The following WDPCP variants were observed in gnomAD, a reference collection of about 807,000 sequenced individuals.
WDPCP encodes the protein WD repeat containing planar cell polarity effector.
Under a neutral mutation model 93.1 loss-of-function variants are expected in WDPCP, and 71 were observed. That is an observed-to-expected ratio of 0.76 (90% CI 0.63 to 0.93). WDPCP has a LOEUF of 0.93. WDPCP is among the 40% of genes least tolerant of loss of function. WDPCP has a pLI of 0.00. For synonymous variants in WDPCP, 315 were observed against 315.0 expected, an observed-to-expected ratio of 1.00 and a Z score of 0.00; for missense variants, 844 against 887.4, an observed-to-expected ratio of 0.95 and a Z score of 0.62.
rs554982987 is a variant in WDPCP at position 63,675,302 on chromosome 2, A to G, written n.309-24464T>C. ...AACTCACTTAACTCTAGGCTTCCCT[A>G]TGAGTTCTGCAGTCTCCTTGGCTGG... On this transcript the variant is annotated intron_variant and non_coding_transcript_variant, in intron 2 of 4. Transcript: ENST00000467687. 7.2e-4 allele frequency among the ~76,000 whole-genome samples: 110 copies of G among 152,234 alleles called. 1 individual carries two copies. Among genetic ancestry groups the G allele is most frequent in the Middle Eastern group, 6.8e-3 (2 of 294 alleles).
rs982793817 is a variant in WDPCP, at chr2:63,605,208, C to G, written n.488+45451G>C. 9.0e-6 allele frequency: 9 copies of G among 996,500 alleles called. No individual in the cohort carries two copies. In the East Asian group the frequency reaches 2.3e-4, roughly 25 times the overall value. The allele number at this position is 996,500 out of a possible 1,614,324, so 61.7% of individuals were successfully genotyped here. A position where few individuals can be genotyped will look rare whatever the true frequency, so the allele number is the denominator to read the frequency against. Reference sequence around the variant, plus strand: ...TGGTCATAGCTTTTCACCCCAAGGTCGACTTGGAATTAATGAAAACTTTGC... The same window carrying G: ...TGGTCATAGCTTTTCACCCCAAGGTGGACTTGGAATTAATGAAAACTTTGC... On this transcript the variant is annotated intron_variant and non_coding_transcript_variant, in intron 3 of 4. Coordinates refer to the WDPCP transcript ENST00000467687.
rs765502945 is a variant in WDPCP, at chr2:63,174,807, C to T, written c.1941G>A (p.Gly647=). 1.2e-6 allele frequency: 2 copies of T among 1,613,638 alleles called. No individual in the cohort carries two copies. Among genetic ancestry groups the T allele is most frequent in the Admixed American group, 3.3e-5 (2 of 59,966 alleles). ...GVELLGPLDR[G]DMLNEAFIGL... Reference sequence around the variant, plus strand: ...CAATAAATGCTTCATTTAGCATATCCCCTCTGTCCAAGGGTCCCAGGAGTT... The same window carrying T: ...CAATAAATGCTTCATTTAGCATATCTCCTCTGTCCAAGGGTCCCAGGAGTT... Residue 647 remains glycine (G), a synonymous_variant, in exon 15 of 18, where the codon GGG becomes GGA. Coordinates refer to ENST00000272321, the MANE Select transcript of WDPCP (RefSeq NM_015910.7).
At chr2:63,525,218 G>C (rs1356877223) in intron 1 of WDPCP, among the ~76,000 whole-genome samples, 1 of 152,102 alleles carries the variant, frequency 6.6e-6, no homozygotes, top group Non-Finnish European at 1.5e-5. Context: ...ACACAAAGAA[G>C]GGAACAACAG....
rs1028604146 is a variant in WDPCP, at chr2:63,610,568, T to TA, written n.488+40090dup. Among the ~76,000 whole-genome samples the TA allele has an allele frequency of 2.0e-3, 295 of 144,428 alleles. No homozygotes were observed. In the Middle Eastern group the frequency reaches 0.021, roughly 10 times the overall value. 94.8% of individuals were successfully genotyped at this position (144,428 alleles called of 152,430 possible). A position where few individuals can be genotyped will look rare whatever the true frequency, so the allele number is the denominator to read the frequency against. On this transcript the variant is annotated intron_variant and non_coding_transcript_variant, in intron 3 of 4. Transcript: ENST00000467687. Reference sequence around the variant, plus strand: ...AAATACACATATTTATTTTGAGAATTAAAAAAAAAAAAGGAATACATAGTG... The same window carrying TA: ...AAATACACATATTTATTTTGAGAATTAAAAAAAAAAAAAGGAATACATAGTG...
chr2:63,525,940 T>C (rs1703307373), intron 1 of WDPCP, among the ~76,000 whole-genome samples: 1 of 152,238 alleles, frequency 6.6e-6, no homozygotes, highest in South Asian at 2.1e-4. Flanking sequence ...GGTTATGCTT[T>C]CCTCAGGTTG....
chr2:63,222,678 T>C (rs1677942186), intron 14 of WDPCP, among the ~76,000 whole-genome samples: 1 of 152,218 alleles, frequency 6.6e-6, no homozygotes, highest in African/African-American at 2.4e-5. Context: ...GCACTACACA[T>C]AGCTGTATCA....
chr2:63,246,385 T>C (rs947733126), intron 14 of WDPCP, among the ~76,000 whole-genome samples: 1 of 152,210 alleles, frequency 6.6e-6, no homozygotes, highest in African/African-American at 2.4e-5. Flanking sequence ...TGATAACTTC[T>C]GCTCATCTTC....
chr2:63,128,251 CA>C (rs1415719141), intron 17 of WDPCP, among the ~76,000 whole-genome samples: 1 of 152,114 alleles, frequency 6.6e-6, no homozygotes, highest in Non-Finnish European at 1.5e-5. Context: ...TGACTATGAG[CA>C]AAGTCAGTGG....
At chr2:63,126,036 G>A (rs1005733631) in intron 17 of WDPCP, among the ~76,000 whole-genome samples, 4 of 151,748 alleles carry the variant, frequency 2.6e-5, no homozygotes, top group Non-Finnish European at 5.9e-5. Flanking sequence ...CGAGGCTCAG[G>A]TGATTTTCCC....
intron 2 of WDPCP, among the ~76,000 whole-genome samples, chr2:63,651,323 A>G (rs1262073566): frequency 6.6e-6 from 1 of 152,234 alleles, no homozygotes; most frequent in Non-Finnish European, 1.5e-5. Context: ...AAATTATAAA[A>G]ATAAAGGTAG....
At chr2:63,689,869 T>C (rs1402305949) in intron 2 of WDPCP, among the ~76,000 whole-genome samples, 2 of 152,202 alleles carry the variant, frequency 1.3e-5, no homozygotes, top group Non-Finnish European at 2.9e-5. Context: ...AGGGGTCAAC[T>C]TGACGTTATT....
intron 2 of WDPCP, among the ~76,000 whole-genome samples, chr2:63,490,307 G>C (rs975235700): frequency 4.6e-5 from 7 of 152,048 alleles, no homozygotes; most frequent in African/African-American, 1.7e-4. Flanking sequence ...AGTAATGCAG[G>C]ACAAAATCCT....
intron 2 of WDPCP, among the ~76,000 whole-genome samples, chr2:63,489,533 G>T (rs1007766036): frequency 1.3e-5 from 2 of 152,042 alleles, no homozygotes; most frequent in African/African-American, 4.8e-5. Flanking sequence ...CTCCTTAGAA[G>T]AGTGACTGAT....
At chr2:63,513,372 G>A (rs1372627763) in intron 1 of WDPCP, among the ~76,000 whole-genome samples, 1 of 152,092 alleles carries the variant, frequency 6.6e-6, no homozygotes, top group African/African-American at 2.4e-5. Context: ...AGTATGTTGG[G>A]GAGAGGATGA....
intron 17 of WDPCP, among the ~76,000 whole-genome samples, chr2:63,140,891 A>T (rs1489678153): frequency 6.6e-6 from 1 of 152,134 alleles, no homozygotes. Context: ...GTCTTGTTCC[A>T]GTTCCCAGAG....
chr2:63,388,860 A>G (rs1375683090), intron 10 of WDPCP, among the ~76,000 whole-genome samples: 1 of 152,204 alleles, frequency 6.6e-6, no homozygotes, highest in Non-Finnish European at 1.5e-5. Flanking sequence ...AAAAGAGTAA[A>G]AAGAAACGAA....
intron 1 of WDPCP, among the ~76,000 whole-genome samples, chr2:63,511,317 C>T (rs970637445): frequency 2.0e-5 from 3 of 152,176 alleles, no homozygotes; most frequent in African/African-American, 7.2e-5. Flanking sequence ...AATGGCCATA[C>T]TTCCCAAAGT....
chr2:63,479,414 G>A (rs1700143961), intron 6 of WDPCP, among the ~76,000 whole-genome samples: 1 of 152,068 alleles, frequency 6.6e-6, no homozygotes, highest in African/African-American at 2.4e-5. Flanking sequence ...TATTCCTGAT[G>A]AATATAGATG....
chr2:63,342,380 A>G (rs1048661844), intron 12 of WDPCP, among the ~76,000 whole-genome samples: 11 of 152,222 alleles, frequency 7.2e-5, no homozygotes, highest in African/African-American at 2.2e-4. Flanking sequence ...ATTTAAATTG[A>G]TTACTGATAA....
Sources: allele counts gnomAD v4.1 joint callset (sites outside exome capture counted in the v4.1 genomes callset), GRCh38; gene constraint gnomAD v4.1.1; transcripts MANE v1.5; gene names NCBI Gene and HGNC (gene_info 2026-07-23, HGNC 2026-07-21).